UPB1: variants seen among roughly 807,000 people sequenced by gnomAD.
UPB1 encodes the protein beta-ureidopropionase.
UPB1 carries 40 observed loss-of-function variants against 49.1 expected under a neutral mutation model. That is an observed-to-expected ratio of 0.81 (90% confidence interval 0.63 to 1.06). The LOEUF is 1.06. Ranked by LOEUF, UPB1 falls within the 50% of genes least tolerant of loss-of-function variation. UPB1 has a pLI of 0.00. For synonymous variants in UPB1, 207 were observed against 198.2 expected (o/e 1.04, Z -0.38); for missense variants, 499 against 505.9 (o/e 0.99, Z 0.13).
intron 4 of UPB1, among the ~76,000 whole-genome samples, chr22:24,511,567 C>G (rs2044201583): frequency 6.6e-6 from 1 of 150,962 alleles, no homozygotes; most frequent in Admixed American, 6.6e-5. Flanking sequence ...TGTACTTGAC[C>G]AATCTTAAAG....
At chr22:24,502,484 C>G in intron 3 of UPB1, 1 of 780,670 alleles carries the variant, frequency 1.3e-6, no homozygotes. Context: ...CCTGGCAGCT[C>G]ACCTCTGGCT....
intron 6 of UPB1, 94 bp downstream of exon 6, chr22:24,515,464 G>T (rs1568991535): frequency 2.8e-5 from 43 of 1,546,652 alleles, no homozygotes; most frequent in Non-Finnish European, 3.7e-5. Context: ...CAGCAGGCAG[G>T]CGCAGCCACC....
In UPB1 at chr22:24,502,148, TA is replaced by T; in HGVS notation, c.302del (p.Lys101ArgfsTer4). On this transcript the variant is annotated frameshift_variant, in exon 3 of 10. Transcript: ENST00000326010. LOFTEE classifies it high-confidence loss of function. ...CAGGTCTCTGCCCTTCATAGACGCA[TA>T]AAGGCTATCGTAGAGGTGGCTGCAA... is the stretch of plus-strand genomic sequence containing the variant. The part of the protein sequence containing the change: ...AEQVSALHRR[I>X]KAIVEVAAMC... 1 of 1,614,250 alleles carries T rather than the reference TA, an allele frequency of 6.2e-7. No homozygotes were observed. Among genetic ancestry groups the T allele is most frequent in the Non-Finnish European group, 8.5e-7 (1 of 1,180,040 alleles).
At position 24,520,381 on chromosome 22, in the gene UPB1, T is replaced by C; in HGVS notation, c.792-6T>C. On this transcript the variant is annotated splice_polypyrimidine_tract_variant and splice_region_variant and intron_variant, in intron 6 of 9. Coordinates refer to ENST00000326010, the MANE Select transcript of UPB1 (RefSeq NM_016327.3). Reference sequence around the variant, plus strand: ...CAACCTGGTTCCTCTTGGTCCTCTCTTACAGCGAGTCCCTGTGGCCCATCG... The same window carrying C: ...CAACCTGGTTCCTCTTGGTCCTCTCCTACAGCGAGTCCCTGTGGCCCATCG... 1 of 1,613,988 alleles carries C rather than the reference T, an allele frequency of 6.2e-7. No individual in the cohort carries two copies. Among genetic ancestry groups the C allele is most frequent in the Admixed American group, 1.7e-5 (1 of 59,986 alleles).
intron 6 of UPB1, among the ~76,000 whole-genome samples, chr22:24,517,020 G>A (rs140499302): frequency 6.6e-4 from 101 of 152,254 alleles, no homozygotes; most frequent in Middle Eastern, 6.8e-3. Flanking sequence ...CACTGCCCCC[G>A]GCCAAATTTC....
At chr22:24,505,729 T>C (rs2044077769) in intron 3 of UPB1, among the ~76,000 whole-genome samples, 1 of 152,188 alleles carries the variant, frequency 6.6e-6, no homozygotes, top group Non-Finnish European at 1.5e-5. Flanking sequence ...TTATTTTTTT[T>C]TGAGGTGGAG....
chr22:24,525,884 C>A lies in UPB1; in HGVS notation c.*90C>A. On this transcript the variant is annotated 3_prime_UTR_variant, in exon 10 of 10. Transcript: ENST00000326010. ...CAGGCTTAACATGTCCAGGTTCTCC[C>A]CAATAACATTGTCCAGGTTGGTTTT... is the stretch of plus-strand genomic sequence containing the variant. 1 of 1,516,324 alleles carries A rather than the reference C, an allele frequency of 6.6e-7. No homozygotes were observed. Among genetic ancestry groups the A allele is most frequent in the Non-Finnish European group, 9.1e-7 (1 of 1,093,512 alleles). The allele number at this position is 1,516,324 out of a possible 1,614,324, so 93.9% of individuals were successfully genotyped here.
At chr22:24,512,413 G>A (rs1275880448) in intron 4 of UPB1, among the ~76,000 whole-genome samples, 1 of 152,168 alleles carries the variant, frequency 6.6e-6, no homozygotes, top group Non-Finnish European at 1.5e-5. Flanking sequence ...CAAATGACCC[G>A]CTGGGCTGCT....
At chr22:24,496,318 C>A (rs1490511531) in intron 1 of UPB1, among the ~76,000 whole-genome samples, 1 of 150,786 alleles carries the variant, frequency 6.6e-6, no homozygotes, top group African/African-American at 2.4e-5. Flanking sequence ...CTGCAGTGAG[C>A]CAAAATCTCT....
chr22:24,510,943 C>A, intron 4 of UPB1, 100 bp downstream of exon 4: 1 of 1,225,920 alleles, frequency 8.2e-7, no homozygotes, highest in Non-Finnish European at 1.2e-6. Context: ...ATGGAAAATG[C>A]ACCCATTTGG....
chr22:24,519,209 G>A lies in UPB1; in HGVS notation c.792-1178G>A, dbSNP rs62231898. Among the ~76,000 whole-genome samples, 1,156 of 152,260 alleles carry A rather than the reference G, an allele frequency of 7.6e-3. 8 individuals are homozygous for A. The highest frequency in any genetic ancestry group is 0.018 in the South Asian group (88 of 4,830). On this transcript the variant is annotated intron_variant, in intron 6 of 9. Transcript: ENST00000326010. ...AAAATGAGTCCCCTCAATCAAGCCTGTGATTTTTTATTTTTTCAGACTCAT... is the reference window on the plus strand; with the variant it reads ...AAAATGAGTCCCCTCAATCAAGCCTATGATTTTTTATTTTTTCAGACTCAT...
intron 6 of UPB1, 21 bp from the exon 7 acceptor site, chr22:24,520,366 C>T (rs775096300): frequency 2.0e-5 from 32 of 1,613,676 alleles, no homozygotes; most frequent in Middle Eastern, 1.6e-4. Flanking sequence ...CAACCTGGTT[C>T]CTCTTGGTCC....
intron 1 of UPB1, among the ~76,000 whole-genome samples, chr22:24,499,563 C>A (rs903203858): frequency 5.9e-5 from 9 of 152,174 alleles, no homozygotes; most frequent in Non-Finnish European, 1.3e-4. Context: ...TAGAACTGGC[C>A]TCCCCCAGCA....
chr22:24,501,681 C>T (rs1455792908), intron 2 of UPB1, among the ~76,000 whole-genome samples: 1 of 152,178 alleles, frequency 6.6e-6, no homozygotes, highest in Non-Finnish European at 1.5e-5. Context: ...GCCAGAGAGG[C>T]GAGGCATTCC....
Position 24,496,400 on chromosome 22 carries a change from C to CAT in UPB1, c.104+894_104+895insTA, listed in dbSNP as rs750027554. On this transcript the variant is annotated intron_variant, in intron 1 of 9. Coordinates refer to ENST00000326010, the MANE Select transcript of UPB1 (RefSeq NM_016327.3). ...ACACACACACACACACACACACACA[C>CAT]ACATACACACACACACACACACACA... Among the ~76,000 whole-genome samples the CAT allele has an allele frequency of 6.1e-3, 772 of 127,270 alleles. 3 individuals are homozygous for CAT. Among genetic ancestry groups the CAT allele is most frequent in the Non-Finnish European group, 8.4e-3 (533 of 63,676 alleles). The allele number at this position is 127,270 out of a possible 152,430, so 83.5% of individuals were successfully genotyped here.
At position 24,528,337 on chromosome 22, in the gene UPB1, C is replaced by T. The variant is rs908951360; in HGVS notation, c.*2543C>T. On this transcript the variant is annotated 3_prime_UTR_variant, in exon 10 of 10. Transcript: ENST00000326010. ...AGGCCCTGTACAGCCAAGGTCATTT[C>T]AAGGTTTAACTCATCCCTGGAACAT... The T allele has an allele frequency of 2.6e-5, 4 of 152,228 alleles. No individual in the cohort carries two copies. Among genetic ancestry groups the T allele is most frequent in the South Asian group, 2.1e-4 (1 of 4,834 alleles). 9.4% of individuals were successfully genotyped at this position (152,228 alleles called of 1,614,324 possible).
chr22:24,515,871 G>GAGGCT (rs896906486), intron 6 of UPB1, among the ~76,000 whole-genome samples: 3 of 152,222 alleles, frequency 2.0e-5, no homozygotes, highest in Non-Finnish European at 4.4e-5. Flanking sequence ...AGCTACTCGG[G>GAGGCT]AGGCTGAGGC....
At chr22:24,500,308 A>C (rs1277233949) in intron 2 of UPB1, 30 bp downstream of exon 2, 10 of 1,612,654 alleles carry the variant, frequency 6.2e-6, no homozygotes, top group Non-Finnish European at 7.6e-6. Context: ...TAATAAATAC[A>C]CAAACAGGGT....
intron 3 of UPB1, among the ~76,000 whole-genome samples, chr22:24,507,929 A>C (rs916203027): frequency 6.6e-6 from 1 of 152,040 alleles, no homozygotes; most frequent in Admixed American, 6.5e-5. Flanking sequence ...GCCCTATGCA[A>C]ATCAGACCCC....
Sources: allele counts gnomAD v4.1 joint callset (sites outside exome capture counted in the v4.1 genomes callset), GRCh38; gene constraint gnomAD v4.1.1; transcripts MANE v1.5; gene names NCBI Gene and HGNC (gene_info 2026-07-23, HGNC 2026-07-21).